ROBO1: variants seen among roughly 807,000 people sequenced by gnomAD.
The protein encoded by ROBO1 is roundabout homolog 1.
A neutral mutation model predicts 195.9 loss-of-function variants in ROBO1; 149 were observed. The observed-to-expected ratio is 0.76, with a 90% CI of 0.67 to 0.87. ROBO1 has a LOEUF of 0.87. Ranked by LOEUF, ROBO1 falls within the 40% of genes least tolerant of loss-of-function variation. The probability of loss-of-function intolerance (pLI) is 0.00; values close to 1 mark genes in which losing one functional copy is unlikely to be tolerated. For synonymous variants in ROBO1, 816 were observed against 733.2 expected (o/e 1.11, Z -1.82); for missense variants, 1,933 against 2,068.3 (o/e 0.93, Z 1.27).
intron 1 of ROBO1, among the ~76,000 whole-genome samples, chr3:79,658,566 T>TTTATGTG (rs1225150198): frequency 1.3e-5 from 2 of 152,068 alleles, no homozygotes; most frequent in Admixed American, 1.3e-4. Flanking sequence ...TAAAGTGGTA[T>TTTATGTG]TTATGTATTT....
At chr3:79,642,557 A>G (rs764044176) in intron 1 of ROBO1, among the ~76,000 whole-genome samples, 1 of 152,200 alleles carries the variant, frequency 6.6e-6, no homozygotes. Flanking sequence ...AAGAAGCCCC[A>G]GTTCATCTAG....
chr3:79,700,317 T>TTGTGTGTGTG (rs71130610), intron 1 of ROBO1, among the ~76,000 whole-genome samples: 2,741 of 144,206 alleles, frequency 0.019, 42 homozygotes, highest in South Asian at 0.059. Context: ...GTGTGTGTGT[T>TTGTGTGTGTG]TGTGTGTGTG....
At chr3:79,765,999 C>T (rs1040634175) in intron 1 of ROBO1, among the ~76,000 whole-genome samples, 22 of 152,106 alleles carry the variant, frequency 1.4e-4, no homozygotes, top group African/African-American at 5.3e-4. Context: ...TTTACAAGGT[C>T]GGGGCACTCC....
rs1576131994 is a variant in ROBO1, at chr3:79,621,575, A to G, written c.-50-31614T>C. Among the ~76,000 whole-genome samples the G allele has an allele frequency of 2.0e-5, 3 of 152,102 alleles. No homozygotes were observed. In the East Asian group the frequency reaches 5.8e-4, roughly 29 times the overall value. On this transcript the variant is annotated intron_variant, in intron 1 of 30. Coordinates refer to ENST00000464233, the MANE Select transcript of ROBO1 (RefSeq NM_002941.4). ...ATTAACAGCGGACTTCTGAGTAGAA[A>G]CCTTATAAGCCAGAAAGGACTGAGG...
chr3:79,585,015 T>C (rs898276442), intron 2 of ROBO1, among the ~76,000 whole-genome samples: 1 of 151,916 alleles, frequency 6.6e-6, no homozygotes, highest in Admixed American at 6.6e-5. Context: ...ATGAGATTTA[T>C]ATAATGTGTA....
At chr3:79,609,869 T>C (rs1944601084) in intron 1 of ROBO1, among the ~76,000 whole-genome samples, 1 of 151,824 alleles carries the variant, frequency 6.6e-6, no homozygotes, top group Non-Finnish European at 1.5e-5. Flanking sequence ...GGAGTTATTG[T>C]TTAAAGGGTA....
chr3:79,056,623 C>T (rs185451534), intron 3 of ROBO1, among the ~76,000 whole-genome samples: 409 of 152,222 alleles, frequency 2.7e-3, no homozygotes, highest in African/African-American at 9.4e-3. Context: ...TATGCGCTGT[C>T]TAACTTGTTT....
chr3:79,749,452 G>A (rs1336716775), intron 1 of ROBO1, among the ~76,000 whole-genome samples: 4 of 152,188 alleles, frequency 2.6e-5, no homozygotes, highest in Non-Finnish European at 4.4e-5. Flanking sequence ...TAAATAATGA[G>A]GATCCAAATG....
intron 2 of ROBO1, among the ~76,000 whole-genome samples, chr3:79,531,805 T>C (rs1941673162): frequency 6.6e-6 from 1 of 152,064 alleles, no homozygotes; most frequent in Non-Finnish European, 1.5e-5. Context: ...GGATGACACA[T>C]TGCTTAAGGA....
chr3:78,602,411 T>C (rs1355885878), intron 29 of ROBO1, among the ~76,000 whole-genome samples: 1 of 152,188 alleles, frequency 6.6e-6, no homozygotes, highest in Non-Finnish European at 1.5e-5. Flanking sequence ...ACACCATGTT[T>C]CCTATAAAGG....
chr3:79,360,076 G>A (rs369354338), intron 2 of ROBO1, among the ~76,000 whole-genome samples: 1 of 152,010 alleles, frequency 6.6e-6, no homozygotes, highest in African/African-American at 2.4e-5. Flanking sequence ...CGATTATACT[G>A]TATGTTCTCT....
chr3:79,250,793 C>T (rs1418890491), intron 2 of ROBO1, among the ~76,000 whole-genome samples: 1 of 152,152 alleles, frequency 6.6e-6, no homozygotes, highest in African/African-American at 2.4e-5. Context: ...CGTTGGCTCA[C>T]ACCTGTAGTC....
chr3:79,637,981 G>A (rs1945546236), intron 1 of ROBO1, among the ~76,000 whole-genome samples: 1 of 152,106 alleles, frequency 6.6e-6, no homozygotes, highest in South Asian at 2.1e-4. Context: ...ATATTTTATT[G>A]TTACAACAGA....
At chr3:79,497,198 C>T (rs4264688) in intron 2 of ROBO1, among the ~76,000 whole-genome samples, 46,968 of 152,032 alleles carry the variant, frequency 0.31, 7,485 homozygotes, top group Non-Finnish European at 0.35. Context: ...GAGAATTGTT[C>T]GTCTGATACA....
intron 2 of ROBO1, among the ~76,000 whole-genome samples, chr3:79,505,914 G>C (rs1940366781): frequency 6.6e-6 from 1 of 152,140 alleles, no homozygotes; most frequent in South Asian, 2.1e-4. Flanking sequence ...GAGAATTACA[G>C]GCCATGACCA....
intron 2 of ROBO1, among the ~76,000 whole-genome samples, chr3:79,319,992 A>T (rs2033907797): frequency 1.3e-5 from 2 of 152,172 alleles, no homozygotes; most frequent in Admixed American, 6.5e-5. Flanking sequence ...CCCTCAATAT[A>T]TTTGCTAACT....
chr3:79,104,930 G>C (rs902048771), intron 3 of ROBO1, among the ~76,000 whole-genome samples: 1 of 151,752 alleles, frequency 6.6e-6, no homozygotes, highest in Non-Finnish European at 1.5e-5. Flanking sequence ...ATGAGAAGTT[G>C]CTACCAATGG....
chr3:79,587,272 C>T (rs1312618888), intron 2 of ROBO1, among the ~76,000 whole-genome samples: 1 of 151,554 alleles, frequency 6.6e-6, no homozygotes, highest in Non-Finnish European at 1.5e-5. Flanking sequence ...CCAGACATTA[C>T]ATTCAAATAT....
At chr3:79,643,202 C>T (rs1445707178) in intron 1 of ROBO1, among the ~76,000 whole-genome samples, 1 of 152,178 alleles carries the variant, frequency 6.6e-6, no homozygotes, top group African/African-American at 2.4e-5. Context: ...ACTCTACGTT[C>T]TTCAGATTCT....
Sources: allele counts gnomAD v4.1 joint callset (sites outside exome capture counted in the v4.1 genomes callset), GRCh38; gene constraint gnomAD v4.1.1; transcripts MANE v1.5; gene names NCBI Gene and HGNC (gene_info 2026-07-23, HGNC 2026-07-21).